GPM6A: variants seen among roughly 807,000 people sequenced by gnomAD.
GPM6A encodes glycoprotein M6A.
A neutral mutation model predicts 32.1 loss-of-function variants in GPM6A; 7 were observed. The observed-to-expected ratio is 0.22, with a 90% CI of 0.12 to 0.41. The LOEUF is 0.41. Among genes scored for constraint, GPM6A ranks in the 10% least tolerant of loss-of-function variants. The pLI is 1.00. For missense variants in GPM6A, 235 were observed against 347.2 expected (o/e 0.68, Z 2.57); for synonymous variants, 130 against 123.4 (o/e 1.05, Z -0.35).
intron 1 of GPM6A, among the ~76,000 whole-genome samples, chr4:175,761,507 T>C (rs1464421855): frequency 6.6e-6 from 1 of 152,188 alleles, no homozygotes; most frequent in African/African-American, 2.4e-5. Context: ...GCAGGTGTCC[T>C]TCTACCAATA....
intron 1 of GPM6A, among the ~76,000 whole-genome samples, chr4:175,911,018 T>C (rs555176182): frequency 2.0e-5 from 3 of 152,236 alleles, no homozygotes; most frequent in Admixed American, 6.5e-5. Flanking sequence ...CTCACTCTTA[T>C]ACACAGTCCA....
At position 175,673,977 on chromosome 4, in the gene GPM6A, T is replaced by G; in HGVS notation, c.231-141A>C. 8.7e-6 allele frequency: 5 copies of G among 577,708 alleles called. No homozygotes were observed. In the Admixed American group the frequency reaches 9.5e-5, roughly 11 times the overall value. 35.8% of individuals were successfully genotyped at this position (577,708 alleles called of 1,614,324 possible). A position where few individuals can be genotyped will look rare whatever the true frequency, so the allele number is the denominator to read the frequency against. On this transcript the variant is annotated intron_variant, in intron 2 of 6. Coordinates refer to ENST00000393658, the MANE Select transcript of GPM6A (RefSeq NM_201591.3). ...ATAATGAAGGTTGGATTTAAAAACATGTTTGCTTCATATATCTAATGTTTA... is the reference window on the plus strand; with the variant it reads ...ATAATGAAGGTTGGATTTAAAAACAGGTTTGCTTCATATATCTAATGTTTA...
intron 1 of GPM6A, among the ~76,000 whole-genome samples, chr4:175,711,711 A>G (rs1173175670): frequency 9.4e-6 from 1 of 106,136 alleles, no homozygotes; most frequent in East Asian, 2.7e-4. Flanking sequence ...AGTTCTCGCT[A>G]GTTTGGGTGG....
intron 3 of GPM6A, among the ~76,000 whole-genome samples, chr4:175,661,595 T>G (rs576044536): frequency 6.6e-6 from 1 of 152,232 alleles, no homozygotes; most frequent in Admixed American, 6.5e-5. Context: ...AGCATGTGAG[T>G]TTTTGCTCTT....
intron 6 of GPM6A, among the ~76,000 whole-genome samples, chr4:175,637,718 TATATAATATATTATATATTATATAAAA>T (rs1560842940): frequency 2.3e-5 from 2 of 86,374 alleles, no homozygotes; most frequent in South Asian, 5.3e-4. Context: ...TATATATTTA[TATATAATATATTATATATTATATAAAA>T]ATATAATATA....
intron 1 of GPM6A, among the ~76,000 whole-genome samples, chr4:175,930,579 C>G (rs184429818): frequency 5.9e-5 from 9 of 151,592 alleles, no homozygotes; most frequent in Non-Finnish European, 4.4e-5. Context: ...TTATAAGAAC[C>G]TTTTTTTGCT....
At chr4:175,812,769 C>A, upstream of GPM6A, 3 of 985,338 alleles carry the variant, frequency 3.0e-6, no homozygotes, top group Non-Finnish European at 3.6e-6. Flanking sequence ...CCCAGATTCC[C>A]GTCGGTTCTT....
chr4:175,781,052 C>A (rs1027155409), intron 1 of GPM6A, among the ~76,000 whole-genome samples: 2 of 151,930 alleles, frequency 1.3e-5, no homozygotes, highest in African/African-American at 4.8e-5. Context: ...ATACATAGTT[C>A]ATCACCAACA....
intron 1 of GPM6A, among the ~76,000 whole-genome samples, chr4:175,926,326 A>G (rs1738838204): frequency 6.6e-6 from 1 of 152,224 alleles, no homozygotes; most frequent in Non-Finnish European, 1.5e-5. Context: ...AATAGGCTAG[A>G]ACAGAAAAAC....
intron 1 of GPM6A, among the ~76,000 whole-genome samples, chr4:175,850,585 T>C (rs1457831199): frequency 6.6e-6 from 1 of 152,108 alleles, no homozygotes; most frequent in East Asian, 1.9e-4. Context: ...AGAGTCTGGG[T>C]GACACATGCC....
intron 1 of GPM6A, among the ~76,000 whole-genome samples, chr4:175,715,827 A>G (rs2581767): frequency 0.57 from 86,513 of 151,788 alleles, 26,680 homozygotes; most frequent in East Asian, 0.92. Flanking sequence ...GCACTTTGGG[A>G]GGCCAAGGCG....
chr4:175,848,879 T>C (rs1476996225), intron 1 of GPM6A, among the ~76,000 whole-genome samples: 1 of 150,494 alleles, frequency 6.6e-6, no homozygotes, highest in Non-Finnish European at 1.5e-5. Flanking sequence ...AATCTCCGTG[T>C]GCAAATAAAA....
intron 1 of GPM6A, among the ~76,000 whole-genome samples, chr4:175,951,734 A>G (rs1443327314): frequency 6.6e-6 from 1 of 152,266 alleles, no homozygotes; most frequent in Non-Finnish European, 1.5e-5. Flanking sequence ...CTTCACATTT[A>G]TATTACCTGG....
intron 1 of GPM6A, among the ~76,000 whole-genome samples, chr4:175,849,994 A>G (rs1211699551): frequency 6.6e-6 from 1 of 152,188 alleles, no homozygotes; most frequent in Non-Finnish European, 1.5e-5. Context: ...TTGAGTATGG[A>G]CGGAGTAAAG....
chr4:175,921,255 C>T (rs1229925278), intron 1 of GPM6A, among the ~76,000 whole-genome samples: 7 of 152,046 alleles, frequency 4.6e-5, no homozygotes, highest in African/African-American at 1.7e-4. Context: ...TAAAAAAAAT[C>T]ATCTCCAATC....
intron 2 of GPM6A, among the ~76,000 whole-genome samples, chr4:175,688,101 T>G (rs922662193): frequency 1.3e-5 from 2 of 152,212 alleles, no homozygotes; most frequent in African/African-American, 4.8e-5. Context: ...TATTAATTCC[T>G]TACCAGATAA....
intron 1 of GPM6A, among the ~76,000 whole-genome samples, chr4:175,973,935 A>G (rs1740582111): frequency 6.6e-6 from 1 of 152,036 alleles, no homozygotes. Flanking sequence ...AATAATTTGT[A>G]TTATTAAAAC....
At chr4:175,737,714 A>G (rs1731718732) in intron 1 of GPM6A, among the ~76,000 whole-genome samples, 1 of 152,154 alleles carries the variant, frequency 6.6e-6, no homozygotes, top group Non-Finnish European at 1.5e-5. Context: ...ATCTTCTTCA[A>G]GTGAGGCCTT....
At chr4:175,681,727 T>C (rs1030579071) in intron 2 of GPM6A, among the ~76,000 whole-genome samples, 3 of 152,112 alleles carry the variant, frequency 2.0e-5, no homozygotes, top group Non-Finnish European at 2.9e-5. Flanking sequence ...TGGCAAGATT[T>C]CTGAGGCCTC....
Sources: allele counts gnomAD v4.1 joint callset (sites outside exome capture counted in the v4.1 genomes callset), GRCh38; gene constraint gnomAD v4.1.1; transcripts MANE v1.5; gene names NCBI Gene and HGNC (gene_info 2026-07-23, HGNC 2026-07-21).